Variants in LRIG1 observed in about 807,000 individuals in gnomAD.
LRIG1 encodes the protein leucine-rich repeats and immunoglobulin-like domains protein 1.
In LRIG1, 48 loss-of-function variants were observed where a neutral mutation model predicts 99.2. The observed-to-expected ratio is 0.48, with a 90% CI of 0.38 to 0.62. LRIG1 has a LOEUF of 0.62. LRIG1 is among the 20% of genes least tolerant of loss of function. LRIG1 has a pLI of 0.00. For missense variants in LRIG1, 1,646 were observed against 1,434.4 expected (o/e 1.15, Z -2.38); for synonymous variants, 772 against 596.1 (o/e 1.29, Z -4.30).
At chr3:66,429,349 T>C (rs1475645493) in intron 3 of LRIG1, among the ~76,000 whole-genome samples, 1 of 152,142 alleles carries the variant, frequency 6.6e-6, no homozygotes, top group Admixed American at 6.5e-5. Context: ...ACCCAACTCA[T>C]GAATGACCCA....
In LRIG1 at chr3:66,394,108, G is replaced by A. The variant is rs1185927812; in HGVS notation, c.1400C>T (p.Thr467Ile). ...GRMLQAFVTA[T>I]CAHPESLKGQ... ...CTTCAGTGATTCTGGGTGGGCACAG[G>A]TGGCTGTCACAAAGGCCTGCAGCAT... Residue 467 changes from threonine to isoleucine, a missense_variant, in exon 12 of 19, where the codon ACC (threonine) becomes ATC (isoleucine). Transcript: ENST00000273261. 1.2e-6 allele frequency: 2 copies of A among 1,613,944 alleles called. No homozygotes were observed. The highest frequency in any genetic ancestry group is 4.5e-5 in the East Asian group (2 of 44,874).
intron 5 of LRIG1, 37 bp downstream of exon 5, chr3:66,414,883 G>A (rs373225636): frequency 9.8e-6 from 15 of 1,524,178 alleles, no homozygotes; most frequent in Non-Finnish European, 1.3e-5. Flanking sequence ...CATAAAGTTT[G>A]GCTAGCCTTA....
intron 7 of LRIG1, 127 bp from the exon 8 acceptor site, chr3:66,407,618 T>C: frequency 2.3e-6 from 2 of 867,398 alleles, no homozygotes; most frequent in South Asian, 1.6e-5. Flanking sequence ...CGCACGCGCG[T>C]GCGTGCACAC....
intron 1 of LRIG1, among the ~76,000 whole-genome samples, chr3:66,499,938 G>A (rs1701316970): frequency 6.8e-6 from 1 of 147,418 alleles, no homozygotes; most frequent in Non-Finnish European, 1.5e-5. Flanking sequence ...TACGACCCAC[G>A]CTCGCTCGTC....
chr3:66,462,873 T>C (rs1053584076), intron 1 of LRIG1, among the ~76,000 whole-genome samples: 2 of 152,146 alleles, frequency 1.3e-5, no homozygotes, highest in Non-Finnish European at 2.9e-5. Context: ...GGCATTTTTT[T>C]AAATTAATGT....
chr3:66,412,732 A>T lies in LRIG1; in HGVS notation c.791+139T>A, dbSNP rs560053738. Reference sequence around the variant, plus strand: ...CACACACACCCCACACCACACAGCAATGCTGGTGTGGGCGCACACACCCAA... The same window carrying T: ...CACACACACCCCACACCACACAGCATTGCTGGTGTGGGCGCACACACCCAA... On this transcript the variant is annotated intron_variant, in intron 6 of 18. Transcript: ENST00000273261. 6.3e-6 allele frequency: 6 copies of T among 952,874 alleles called. No individual in the cohort carries two copies. The African/African-American group carries it at 8.0e-5, about 13-fold the overall frequency. 59.0% of individuals were successfully genotyped at this position (952,874 alleles called of 1,614,324 possible).
intron 8 of LRIG1, 34 bp from the exon 9 acceptor site, chr3:66,405,312 G>A (rs1702226728): frequency 6.4e-7 from 1 of 1,557,408 alleles, no homozygotes; most frequent in Non-Finnish European, 8.9e-7. Context: ...TCACCGAGCA[G>A]TCGGGGCGTG....
At chr3:66,437,824 G>A (rs1296068564) in intron 3 of LRIG1, among the ~76,000 whole-genome samples, 2 of 152,138 alleles carry the variant, frequency 1.3e-5, no homozygotes, top group East Asian at 3.9e-4. Flanking sequence ...ATGGGGGGAG[G>A]AGGTCAGAAG....
chr3:66,394,845 ATTC>A (rs762488599), intron 11 of LRIG1, among the ~76,000 whole-genome samples: 14 of 152,316 alleles, frequency 9.2e-5, no homozygotes, highest in Admixed American at 7.2e-4. Flanking sequence ...TTGCACCAGT[ATTC>A]TTCAGGGGGC....
intron 14 of LRIG1, 40 bp from the exon 15 acceptor site, chr3:66,383,441 C>T (rs1240460969): frequency 1.3e-6 from 2 of 1,493,956 alleles, no homozygotes; most frequent in Non-Finnish European, 1.8e-6. Context: ...TTCTCAGGGC[C>T]TCCGTTGCTC....
chr3:66,421,552 C>T (rs1702811490), intron 3 of LRIG1, among the ~76,000 whole-genome samples: 1 of 152,220 alleles, frequency 6.6e-6, no homozygotes. Flanking sequence ...GAAAGCTCCA[C>T]CCCTATGGCT....
intron 1 of LRIG1, among the ~76,000 whole-genome samples, chr3:66,485,155 CAAAA>C (rs60055293): frequency 4.8e-5 from 6 of 126,278 alleles, no homozygotes; most frequent in Admixed American, 7.7e-5. Context: ...AAGACCCTCT[CAAAA>C]AAAAAAAAAA....
intron 9 of LRIG1, chr3:66,404,414 T>A: frequency 8.2e-7 from 1 of 1,220,162 alleles, no homozygotes; most frequent in South Asian, 1.5e-5. Flanking sequence ...TAATAATGAC[T>A]CTCGTCCCCT....
intron 3 of LRIG1, among the ~76,000 whole-genome samples, chr3:66,419,264 C>T (rs1702725076): frequency 6.6e-6 from 1 of 151,964 alleles, no homozygotes; most frequent in Non-Finnish European, 1.5e-5. Context: ...CCCACCTCCT[C>T]CTCTGTCTCC....
chr3:66,489,612 T>C (rs1310958106), intron 1 of LRIG1, among the ~76,000 whole-genome samples: 1 of 152,160 alleles, frequency 6.6e-6, no homozygotes, highest in East Asian at 1.9e-4. Context: ...ATCAATTTAA[T>C]TCTTACCATC....
intron 7 of LRIG1, among the ~76,000 whole-genome samples, chr3:66,408,957 TGTGTG>T (rs1702371308): frequency 1.5e-5 from 1 of 66,728 alleles, no homozygotes; most frequent in Non-Finnish European, 2.8e-5. Flanking sequence ...TGTGTGTGTG[TGTGTG>T]GTGGGGGGAG....
chr3:66,426,939 CCA>C (rs1185703492), intron 3 of LRIG1, among the ~76,000 whole-genome samples: 3 of 152,178 alleles, frequency 2.0e-5, no homozygotes, highest in Non-Finnish European at 4.4e-5. Flanking sequence ...GGCAAATCTA[CCA>C]CAGTTTTACT....
At chr3:66,480,311 AT>A (rs1700819085) in intron 1 of LRIG1, among the ~76,000 whole-genome samples, 1 of 152,196 alleles carries the variant, frequency 6.6e-6, no homozygotes, top group South Asian at 2.1e-4. Context: ...GGAAGGAAGG[AT>A]AGGCAGGGAG....
intron 1 of LRIG1, among the ~76,000 whole-genome samples, chr3:66,487,741 G>A (rs544160113): frequency 6.6e-5 from 10 of 152,316 alleles, no homozygotes; most frequent in Non-Finnish European, 1.0e-4. Context: ...ACTGACACAC[G>A]AGGCTCGAAG....
Sources: allele counts gnomAD v4.1 joint callset (sites outside exome capture counted in the v4.1 genomes callset), GRCh38; gene constraint gnomAD v4.1.1; transcripts MANE v1.5; gene names NCBI Gene and HGNC (gene_info 2026-07-23, HGNC 2026-07-21).